The following PDS5B variants were observed in gnomAD, a reference collection of about 807,000 sequenced individuals.
The protein encoded by PDS5B is sister chromatid cohesion protein PDS5 homolog B.
PDS5B carries 51 observed loss-of-function variants against 184.1 expected under a neutral mutation model. The ratio of observed to expected loss-of-function variants is 0.28; its 90% CI spans 0.22 to 0.35. The LOEUF (loss-of-function observed/expected upper bound fraction) is 0.35, where lower values mean the gene tolerates loss of function less well. PDS5B is among the 10% of genes least tolerant of loss of function. The pLI is 1.00. For missense variants in PDS5B, 1,180 were observed against 1,723.3 expected (o/e 0.68, Z 5.58); for synonymous variants, 566 against 569.2 (o/e 0.99, Z 0.08).
At chr13:32,681,364 T>C (rs1207431936) in intron 10 of PDS5B, among the ~76,000 whole-genome samples, 1 of 152,216 alleles carries the variant, frequency 6.6e-6, no homozygotes, top group Non-Finnish European at 1.5e-5. Context: ...GGCTCATGCC[T>C]GTAATCCCTG....
intron 7 of PDS5B, among the ~76,000 whole-genome samples, chr13:32,670,859 G>A (rs571123053): frequency 9.9e-5 from 15 of 152,266 alleles, no homozygotes; most frequent in Admixed American, 5.2e-4. Flanking sequence ...TGGTGGTGGA[G>A]AATGTGTTAT....
chr13:32,775,756 A>C lies in PDS5B; in HGVS notation c.*704A>C, dbSNP rs1158730179. The C allele has an allele frequency of 5.0e-6, 2 of 401,398 alleles. No individual in the cohort carries two copies. The highest frequency in any genetic ancestry group is 9.9e-6 in the Non-Finnish European group (2 of 202,888). The allele number at this position is 401,398 out of a possible 1,614,324, so 24.9% of individuals were successfully genotyped here. A position where few individuals can be genotyped will look rare whatever the true frequency, so the allele number is the denominator to read the frequency against. ...TTGTCCCAGAATTTTCTGGCCTTTCATGGCAATGAAAATTTTAAGAAGAAA... is the reference window on the plus strand; with the variant it reads ...TTGTCCCAGAATTTTCTGGCCTTTCCTGGCAATGAAAATTTTAAGAAGAAA... On this transcript the variant is annotated 3_prime_UTR_variant, in exon 35 of 35. Transcript: ENST00000315596.
intron 29 of PDS5B, 51 bp from the exon 30 acceptor site, chr13:32,760,524 C>T: frequency 6.4e-7 from 1 of 1,571,720 alleles, no homozygotes; most frequent in Non-Finnish European, 8.7e-7. Context: ...TTACACGTAA[C>T]TTTCTTTTGG....
chr13:32,656,420 T>C (rs1273137699), intron 3 of PDS5B, among the ~76,000 whole-genome samples: 1 of 151,888 alleles, frequency 6.6e-6, no homozygotes, highest in Admixed American at 6.6e-5. Context: ...AGTAAATTGC[T>C]TTGGACAGCA....
chr13:32,730,853 CG>C (rs2140948307), intron 19 of PDS5B, among the ~76,000 whole-genome samples: 1 of 152,228 alleles, frequency 6.6e-6, no homozygotes, highest in African/African-American at 2.4e-5. Flanking sequence ...TTGGCTGAGA[CG>C]ACAGGGTTTT....
intron 19 of PDS5B, among the ~76,000 whole-genome samples, chr13:32,723,868 G>A (rs550095148): frequency 2.0e-5 from 3 of 152,014 alleles, no homozygotes; most frequent in Admixed American, 6.6e-5. Context: ...TTTTTTCCAC[G>A]TTATATTATT....
At chr13:32,624,870 A>G (rs2058348295) in intron 1 of PDS5B, among the ~76,000 whole-genome samples, 1 of 152,172 alleles carries the variant, frequency 6.6e-6, no homozygotes, top group Non-Finnish European at 1.5e-5. Flanking sequence ...CCAAGTGCAT[A>G]CTACTTACTG....
intron 1 of PDS5B, among the ~76,000 whole-genome samples, chr13:32,595,963 T>C (rs183315064): frequency 1.4e-4 from 22 of 152,330 alleles, no homozygotes; most frequent in Admixed American, 1.2e-3. Flanking sequence ...TTATTGAATA[T>C]GTGTAATAAT....
intron 1 of PDS5B, among the ~76,000 whole-genome samples, chr13:32,636,589 C>G (rs984280086): frequency 1.9e-4 from 29 of 152,156 alleles, no homozygotes; most frequent in African/African-American, 6.5e-4. Context: ...AGTTATTTAA[C>G]CTCTTTGAAC....
chr13:32,587,697 C>G (rs932030170), intron 1 of PDS5B, among the ~76,000 whole-genome samples: 2 of 152,236 alleles, frequency 1.3e-5, no homozygotes, highest in African/African-American at 4.8e-5. Flanking sequence ...ACTCCACGCG[C>G]GTCTTCAACA....
chr13:32,662,988 C>T (rs1950688187), intron 6 of PDS5B, among the ~76,000 whole-genome samples: 2 of 151,916 alleles, frequency 1.3e-5, no homozygotes, highest in South Asian at 4.1e-4. Flanking sequence ...GAATAAATTC[C>T]TAGAAAATAT....
chr13:32,625,855 T>TTTA (rs2058363544), intron 1 of PDS5B, among the ~76,000 whole-genome samples: 1 of 136,962 alleles, frequency 7.3e-6, no homozygotes, highest in African/African-American at 2.8e-5. Flanking sequence ...TTTTTTTTTT[T>TTTA]GAGACAGGGT....
chr13:32,658,870 A>G (rs9591229), intron 5 of PDS5B, among the ~76,000 whole-genome samples: 47,924 of 151,950 alleles, frequency 0.32, 9,138 homozygotes, highest in Non-Finnish European at 0.43. Context: ...GAGCAATTCA[A>G]TTTTCTGAAT....
intron 19 of PDS5B, among the ~76,000 whole-genome samples, chr13:32,729,058 C>A (rs944150782): frequency 1.3e-5 from 2 of 151,954 alleles, no homozygotes; most frequent in Non-Finnish European, 2.9e-5. Context: ...TTAAGCCCTA[C>A]ATGCATTAGG....
intron 19 of PDS5B, among the ~76,000 whole-genome samples, chr13:32,718,296 G>GC (rs1203815915): frequency 1.3e-5 from 2 of 151,888 alleles, no homozygotes; most frequent in Non-Finnish European, 2.9e-5. Context: ...GACTACAGGC[G>GC]CCCGCCACCA....
At chr13:32,684,981 C>T (rs371253566) in intron 11 of PDS5B, among the ~76,000 whole-genome samples, 2 of 152,090 alleles carry the variant, frequency 1.3e-5, no homozygotes, top group South Asian at 4.1e-4. Context: ...GCTGTGGTGG[C>T]GGGCGCCTGT....
At chr13:32,765,219 C>T (rs1954545893) in intron 31 of PDS5B, among the ~76,000 whole-genome samples, 1 of 152,182 alleles carries the variant, frequency 6.6e-6, no homozygotes. Context: ...TTTGACTTTA[C>T]AGTTCAGCTT....
chr13:32,729,633 G>T (rs959761220), intron 19 of PDS5B, among the ~76,000 whole-genome samples: 1 of 152,000 alleles, frequency 6.6e-6, no homozygotes, highest in Non-Finnish European at 1.5e-5. Flanking sequence ...TTTAATGATC[G>T]CAATTCTAAC....
intron 1 of PDS5B, among the ~76,000 whole-genome samples, chr13:32,622,563 TA>T (rs2058316689): frequency 6.6e-6 from 1 of 152,246 alleles, no homozygotes; most frequent in Non-Finnish European, 1.5e-5. Context: ...TTACCTTGTT[TA>T]AGTCTTCTTA....
Sources: allele counts gnomAD v4.1 joint callset (sites outside exome capture counted in the v4.1 genomes callset), GRCh38; gene constraint gnomAD v4.1.1; transcripts MANE v1.5; gene names NCBI Gene and HGNC (gene_info 2026-07-23, HGNC 2026-07-21).